The following ADAMTS18 variants were observed in gnomAD, a reference collection of about 807,000 sequenced individuals.
ADAMTS18 encodes the protein ADAM metallopeptidase with thrombospondin type 1 motif 18.
Under a neutral mutation model 165.9 loss-of-function variants are expected in ADAMTS18, and 157 were observed. The ratio of observed to expected loss-of-function variants is 0.95; its 90% CI spans 0.83 to 1.08. The LOEUF is 1.08. Among genes scored for constraint, ADAMTS18 ranks in the 50% least tolerant of loss-of-function variants. The pLI, the probability that ADAMTS18 is intolerant of heterozygous loss-of-function variation, is 0.00. For missense variants in ADAMTS18, 2,040 were observed against 1,534.0 expected (o/e 1.33, Z -5.51); for synonymous variants, 782 against 578.2 (o/e 1.35, Z -5.06).
chr16:77,383,890 T>G (rs1207793618), intron 3 of ADAMTS18, among the ~76,000 whole-genome samples: 1 of 152,108 alleles, frequency 6.6e-6, no homozygotes, highest in Admixed American at 6.6e-5. Context: ...ATAGGATGCT[T>G]CAAAGGTCAC....
At chr16:77,286,024 G>A (rs1003789146) in intron 22 of ADAMTS18, among the ~76,000 whole-genome samples, 5 of 152,134 alleles carry the variant, frequency 3.3e-5, no homozygotes, top group South Asian at 2.1e-4. Flanking sequence ...CGTACTCAGC[G>A]TTAAATCTGA....
chr16:77,283,941 G>T lies in ADAMTS18; in HGVS notation c.*15C>A. 1 of 1,603,312 alleles carries T rather than the reference G, an allele frequency of 6.2e-7. No individual in the cohort carries two copies. The highest frequency in any genetic ancestry group is 1.1e-5 in the South Asian group (1 of 90,834). On this transcript the variant is annotated 3_prime_UTR_variant, in exon 23 of 23. Coordinates refer to ENST00000282849, the MANE Select transcript of ADAMTS18 (RefSeq NM_199355.4). ...GTAAGCCCCTGGCCCTAAGGTGCTG[G>T]GGAGGACACCAAGATCAGATCTTCC...
intron 3 of ADAMTS18, among the ~76,000 whole-genome samples, chr16:77,395,665 T>C (rs369987249): frequency 2.6e-5 from 4 of 152,304 alleles, no homozygotes; most frequent in East Asian, 1.9e-4. Flanking sequence ...TTTTAAGCTA[T>C]ACATTCCAGA....
intron 16 of ADAMTS18, among the ~76,000 whole-genome samples, chr16:77,314,624 AATG>A (rs1182975128): frequency 5.9e-5 from 4 of 67,386 alleles, no homozygotes; most frequent in African/African-American, 2.3e-4. Flanking sequence ...AAAAAAAAAA[AATG>A]TGTGTGTATG....
chr16:77,286,970 T>C (rs2055265700), intron 22 of ADAMTS18, among the ~76,000 whole-genome samples: 1 of 152,134 alleles, frequency 6.6e-6, no homozygotes, highest in Non-Finnish European at 1.5e-5. Flanking sequence ...GATGATGATA[T>C]ACAATGACTG....
rs375521024 is a variant in ADAMTS18 at position 77,322,405 on chromosome 16, G to A, written c.2094C>T (p.Ser698=). 1.2e-4 allele frequency: 197 copies of A among 1,613,646 alleles called. No individual in the cohort carries two copies. The highest frequency in any genetic ancestry group is 8.2e-4 in the Middle Eastern group (5 of 6,084). Residue 698 remains serine (S), a synonymous_variant, in exon 14 of 23, where the codon TCC becomes TCT. Coordinates refer to ENST00000282849, the MANE Select transcript of ADAMTS18 (RefSeq NM_199355.4). ...AGGGAGTTCCATCTTTCACTTTGCC[G>A]GACATTGCAAAAAAAAATTCAAAGT... is the stretch of plus-strand genomic sequence containing the variant. The part of the protein sequence containing the change: ...AENFEFFFAM[S]GKVKDGTPCS...
intron 12 of ADAMTS18, among the ~76,000 whole-genome samples, chr16:77,331,766 G>C (rs1351397418): frequency 6.6e-6 from 1 of 152,142 alleles, no homozygotes; most frequent in Non-Finnish European, 1.5e-5. Context: ...CCAAAACAAA[G>C]AATTTGCCAG....
chr16:77,357,824 A>G (rs896859986), intron 8 of ADAMTS18, among the ~76,000 whole-genome samples: 12 of 152,190 alleles, frequency 7.9e-5, no homozygotes, highest in Admixed American at 7.2e-4. Flanking sequence ...GAACTTAGGT[A>G]TGTATTTTAT....
chr16:77,321,764 G>A (rs892861732), intron 14 of ADAMTS18, among the ~76,000 whole-genome samples: 8 of 152,124 alleles, frequency 5.3e-5, no homozygotes, highest in Non-Finnish European at 1.2e-4. Flanking sequence ...TGCAAAGCAG[G>A]ATATAGCATC....
chr16:77,422,399 G>T lies in ADAMTS18; in HGVS notation c.495+8896C>A, dbSNP rs532378249. 3.3e-5 allele frequency among the ~76,000 whole-genome samples: 5 copies of T among 151,820 alleles called. No individual in the cohort carries two copies. In the South Asian group the frequency reaches 1.0e-3, roughly 32 times the overall value. On this transcript the variant is annotated intron_variant, in intron 3 of 22. Coordinates refer to ENST00000282849, the MANE Select transcript of ADAMTS18 (RefSeq NM_199355.4). ...ACATGCAGAAGGAAGCCAAGCAGAA[G>T]CAAGAAGAGCCAAGAGAAAGACAAC...
At chr16:77,420,633 T>C (rs1252294050) in intron 3 of ADAMTS18, among the ~76,000 whole-genome samples, 1 of 152,238 alleles carries the variant, frequency 6.6e-6, no homozygotes, top group African/African-American at 2.4e-5. Flanking sequence ...TTCATCCTAC[T>C]TCAATGCATT....
intron 11 of ADAMTS18, among the ~76,000 whole-genome samples, chr16:77,340,535 C>G (rs549019301): frequency 1.3e-5 from 2 of 152,178 alleles, no homozygotes; most frequent in African/African-American, 4.8e-5. Flanking sequence ...TCCCCAGAGT[C>G]TCCTGTTCCC....
At chr16:77,408,595 T>G (rs1258782557) in intron 3 of ADAMTS18, among the ~76,000 whole-genome samples, 1 of 152,060 alleles carries the variant, frequency 6.6e-6, no homozygotes. Flanking sequence ...ACTCGACAAA[T>G]TAGAGAATTA....
intron 3 of ADAMTS18, among the ~76,000 whole-genome samples, chr16:77,372,175 A>G (rs2056885717): frequency 6.6e-6 from 1 of 152,202 alleles, no homozygotes; most frequent in African/African-American, 2.4e-5. Flanking sequence ...GCAGGAATGT[A>G]AATTAGTATA....
Position 77,291,346 on chromosome 16 carries a change from C to G in ADAMTS18, c.3322G>C (p.Glu1108Gln), listed in dbSNP as rs1339666455. The change falls in exon 21 of 23, where the codon GAG becomes CAG. Residue 1108 changes from glutamate (E) to glutamine (Q), a missense_variant. Transcript: ENST00000282849. ...NIKKPNLDLE[E>Q]TCNRRACPAH... ...GGGCAAGCCCGTCGGTTGCAGGTCT[C>G]TTCCAAGTCCAGATTTGGTTTCTTA... The G allele has an allele frequency of 6.2e-7, 1 of 1,614,228 alleles. No individual in the cohort carries two copies. The highest frequency in any genetic ancestry group is 1.7e-5 in the Admixed American group (1 of 60,032).
At chr16:77,342,088 C>G (rs1431914837) in intron 10 of ADAMTS18, among the ~76,000 whole-genome samples, 1 of 152,128 alleles carries the variant, frequency 6.6e-6, no homozygotes, top group African/African-American at 2.4e-5. Context: ...TCTGGTTTCT[C>G]ATGATAGTGA....
chr16:77,368,738 T>G (rs753282657), intron 3 of ADAMTS18, among the ~76,000 whole-genome samples: 2 of 152,060 alleles, frequency 1.3e-5, no homozygotes, highest in Non-Finnish European at 2.9e-5. Context: ...GCTAAATCAA[T>G]GTTTTTAAAA....
chr16:77,358,042 A>C (rs1966844875), intron 8 of ADAMTS18, among the ~76,000 whole-genome samples: 1 of 152,252 alleles, frequency 6.6e-6, no homozygotes, highest in South Asian at 2.1e-4. Context: ...AAACTTAGAC[A>C]TACATTTGAT....
intron 3 of ADAMTS18, among the ~76,000 whole-genome samples, chr16:77,387,306 C>T (rs546688790): frequency 3.9e-5 from 6 of 152,228 alleles, no homozygotes; most frequent in South Asian, 2.1e-4. Context: ...CATCTCATGT[C>T]GGATAGTCAT....
Sources: allele counts gnomAD v4.1 joint callset (sites outside exome capture counted in the v4.1 genomes callset), GRCh38; gene constraint gnomAD v4.1.1; transcripts MANE v1.5; gene names NCBI Gene and HGNC (gene_info 2026-07-23, HGNC 2026-07-21).